The following TMEM108 variants were observed in gnomAD, a reference collection of about 807,000 sequenced individuals.
The protein encoded by TMEM108 is transmembrane protein 108, also known as cancer/testis antigen 124.
A neutral mutation model predicts 35.1 loss-of-function variants in TMEM108; 12 were observed. That is an observed-to-expected ratio of 0.34 (90% CI 0.22 to 0.55). The LOEUF (loss-of-function observed/expected upper bound fraction) is 0.55. Among genes scored for constraint, TMEM108 ranks in the 20% least tolerant of loss-of-function variants. TMEM108 has a pLI of 0.89. For missense variants in TMEM108, 680 were observed against 753.3 expected (o/e 0.90, Z 1.14); for synonymous variants, 287 against 308.6 (o/e 0.93, Z 0.73).
chr3:133,357,744 C>G lies in TMEM108; in HGVS notation c.41-22008C>G, dbSNP rs142100408. ...TAAGCTATGATGATGCAGAGACATA[C>G]AGAGTGATATAATGGACTTTGGGGA... On this transcript the variant is annotated intron_variant, in intron 3 of 5. Coordinates refer to ENST00000321871, the MANE Select transcript of TMEM108 (RefSeq NM_023943.4). Among the ~76,000 whole-genome samples, 530 of 152,170 alleles carry G rather than the reference C, an allele frequency of 3.5e-3. 7 individuals carry two copies. Among genetic ancestry groups the G allele is most frequent in the African/African-American group, 0.011 (476 of 41,520 alleles).
chr3:133,354,117 T>G (rs1452629366), intron 3 of TMEM108, among the ~76,000 whole-genome samples: 1 of 152,238 alleles, frequency 6.6e-6, no homozygotes, highest in Non-Finnish European at 1.5e-5. Flanking sequence ...CTATTAAGCC[T>G]TGACGTCAGT....
At chr3:133,187,874 C>T (rs1430654754) in intron 2 of TMEM108, among the ~76,000 whole-genome samples, 7 of 84,636 alleles carry the variant, frequency 8.3e-5, no homozygotes, top group South Asian at 4.3e-4. Flanking sequence ...ATCAGAGTAA[C>T]GGTTGCTGCA....
intron 2 of TMEM108, among the ~76,000 whole-genome samples, chr3:133,218,877 G>A (rs1444637144): frequency 2.6e-5 from 4 of 151,966 alleles, no homozygotes; most frequent in African/African-American, 7.2e-5. Flanking sequence ...TTGGGTATCA[G>A]GGTAAGGCTA....
intron 2 of TMEM108, chr3:133,124,808 A>C (rs1944394698): frequency 6.6e-6 from 1 of 152,214 alleles, no homozygotes; most frequent in Admixed American, 6.5e-5. Context: ...CCCTGATTGG[A>C]ACAAGACCAC....
chr3:133,218,017 G>A (rs555917866), intron 2 of TMEM108, among the ~76,000 whole-genome samples: 26 of 152,022 alleles, frequency 1.7e-4, no homozygotes, highest in African/African-American at 6.3e-4. Context: ...AGTTAGTATG[G>A]ACATTTTAAC....
chr3:133,281,738 C>A (rs1349663190), intron 3 of TMEM108, among the ~76,000 whole-genome samples: 1 of 152,178 alleles, frequency 6.6e-6, no homozygotes, highest in Non-Finnish European at 1.5e-5. Flanking sequence ...AGTCACTTTC[C>A]CTCTCTGGGC....
At chr3:133,226,947 A>G (rs1018242618) in intron 2 of TMEM108, among the ~76,000 whole-genome samples, 1 of 152,088 alleles carries the variant, frequency 6.6e-6, no homozygotes, top group Non-Finnish European at 1.5e-5. Flanking sequence ...GGTGGCAGGC[A>G]AAGAGAGAGA....
chr3:133,158,599 A>G (rs1279414871), intron 2 of TMEM108, among the ~76,000 whole-genome samples: 2 of 152,154 alleles, frequency 1.3e-5, no homozygotes, highest in Non-Finnish European at 2.9e-5. Flanking sequence ...CCAGAGTCAA[A>G]GAGAAACTGC....
intron 2 of TMEM108, among the ~76,000 whole-genome samples, chr3:133,052,541 GAAAAA>G (rs563092234): frequency 1.7e-5 from 2 of 117,838 alleles, no homozygotes; most frequent in Admixed American, 1.7e-4. Context: ...TACAATGTTT[GAAAAA>G]AAAAAAAAAA....
At chr3:133,128,083 C>G (rs1430843291) in intron 2 of TMEM108, among the ~76,000 whole-genome samples, 1 of 152,196 alleles carries the variant, frequency 6.6e-6, no homozygotes, top group East Asian at 1.9e-4. Flanking sequence ...AAGACTTAGC[C>G]TTGCCAGAAG....
intron 3 of TMEM108, among the ~76,000 whole-genome samples, chr3:133,306,776 G>A (rs567889716): frequency 2.6e-5 from 4 of 152,032 alleles, no homozygotes; most frequent in Non-Finnish European, 2.9e-5. Context: ...ATTGATGGAC[G>A]TTTGGGTTGG....
intron 2 of TMEM108, among the ~76,000 whole-genome samples, chr3:133,175,580 T>C (rs556285985): frequency 4.6e-5 from 7 of 152,224 alleles, no homozygotes; most frequent in African/African-American, 1.7e-4. Flanking sequence ...CTAAGCTTCA[T>C]AAGTGAAGGA....
intron 2 of TMEM108, among the ~76,000 whole-genome samples, chr3:133,099,513 C>T (rs1944059260): frequency 1.3e-5 from 2 of 152,212 alleles, no homozygotes; most frequent in South Asian, 4.1e-4. Context: ...TTCTTTTCTA[C>T]TGCATCATCA....
At chr3:133,387,004 C>T (rs1423474262) in intron 4 of TMEM108, 27 of 985,698 alleles carry the variant, frequency 2.7e-5, no homozygotes, top group Non-Finnish European at 2.8e-5. Context: ...ATAGTAGAGA[C>T]CCTGTAAGTC....
At chr3:133,060,332 G>T (rs1398543846) in intron 2 of TMEM108, among the ~76,000 whole-genome samples, 3 of 152,182 alleles carry the variant, frequency 2.0e-5, no homozygotes, top group Non-Finnish European at 4.4e-5. Flanking sequence ...GCTTGCCCAA[G>T]GTCAGTCAGT....
chr3:133,287,861 C>T (rs1167805694), intron 3 of TMEM108, among the ~76,000 whole-genome samples: 1 of 152,118 alleles, frequency 6.6e-6, no homozygotes, highest in Admixed American at 6.5e-5. Flanking sequence ...CACTTAGGTT[C>T]AAGAGCAAGC....
At chr3:133,305,841 T>C (rs2071027600) in intron 3 of TMEM108, among the ~76,000 whole-genome samples, 1 of 152,272 alleles carries the variant, frequency 6.6e-6, no homozygotes, top group East Asian at 1.9e-4. Context: ...ACTAATAATA[T>C]TGAGCATTTT....
chr3:133,195,357 CT>C (rs1293111547), intron 2 of TMEM108, among the ~76,000 whole-genome samples: 11 of 152,144 alleles, frequency 7.2e-5, no homozygotes, highest in Admixed American at 6.6e-5. Flanking sequence ...TTGTACCCTA[CT>C]TTTTTTCTAT....
intron 2 of TMEM108, among the ~76,000 whole-genome samples, chr3:133,072,374 G>A (rs1943686680): frequency 1.3e-5 from 2 of 151,948 alleles, no homozygotes; most frequent in African/African-American, 4.8e-5. Flanking sequence ...ATCAGAGAAT[G>A]GGTTATTCTC....
Sources: allele counts gnomAD v4.1 joint callset (sites outside exome capture counted in the v4.1 genomes callset), GRCh38; gene constraint gnomAD v4.1.1; transcripts MANE v1.5; gene names NCBI Gene and HGNC (gene_info 2026-07-23, HGNC 2026-07-21).